The following KLF7 variants were observed in gnomAD, a reference collection of about 807,000 sequenced individuals.
The protein encoded by KLF7 is KLF transcription factor 7, also known as Krueppel-like factor 7.
KLF7 carries 2 observed loss-of-function variants against 27.3 expected under a neutral mutation model. That is an observed-to-expected ratio of 0.07 (90% CI 0.03 to 0.23). KLF7 has a LOEUF of 0.23. KLF7 is among the 10% of genes least tolerant of loss of function. The probability of loss-of-function intolerance (pLI) is 1.00; values close to 1 mark genes in which losing one functional copy is unlikely to be tolerated. For synonymous variants in KLF7, 165 were observed against 162.4 expected (o/e 1.02, Z -0.12); for missense variants, 221 against 394.1 (o/e 0.56, Z 3.72).
At chr2:207,156,621 T>C (rs757626154) in intron 1 of KLF7, among the ~76,000 whole-genome samples, 26 of 152,218 alleles carry the variant, frequency 1.7e-4, no homozygotes, top group Non-Finnish European at 3.5e-4. Context: ...TTTCCAAATA[T>C]GGAATTTGAC....
chr2:207,136,030 G>T (rs563279723), intron 1 of KLF7, among the ~76,000 whole-genome samples: 1 of 152,266 alleles, frequency 6.6e-6, no homozygotes, highest in South Asian at 2.1e-4. Flanking sequence ...CAATTAGGAT[G>T]AGTGAACAAA....
chr2:207,165,876 T>C lies in KLF7; in HGVS notation c.-308A>G. On this transcript the variant is annotated 5_prime_UTR_variant, in exon 1 of 4. Transcript: ENST00000309446. The stretch of plus-strand genomic sequence containing the variant: ...AATTCCCTTCCAGGGCTCTAATCAC[T>C]CCAGCTCGTGGATCAGGAAGGGGGA... 2 of 1,192,884 alleles carry C rather than the reference T, an allele frequency of 1.7e-6. No individual in the cohort carries two copies. The highest frequency in any genetic ancestry group is 2.1e-6 in the Non-Finnish European group (2 of 956,034). The allele number at this position is 1,192,884 out of a possible 1,614,324, so 73.9% of individuals were successfully genotyped here.
chr2:207,092,207 A>G (rs2076528136), intron 2 of KLF7, among the ~76,000 whole-genome samples: 1 of 152,246 alleles, frequency 6.6e-6, no homozygotes, highest in African/African-American at 2.4e-5. Flanking sequence ...CTGCACCTCT[A>G]GAGTGAACAA....
In KLF7 at chr2:207,075,776, G is replaced by A. The variant is rs1183191820; in HGVS notation, c.*5437C>T. The A allele has an allele frequency of 1.3e-5, 2 of 152,018 alleles. No homozygotes were observed. The highest frequency in any genetic ancestry group is 4.8e-5 in the African/African-American group (2 of 41,382). The allele number at this position is 152,018 out of a possible 1,614,324, so 9.4% of individuals were successfully genotyped here. A position where few individuals can be genotyped will look rare whatever the true frequency, so the allele number is the denominator to read the frequency against. On this transcript the variant is annotated 3_prime_UTR_variant, in exon 4 of 4. Transcript: ENST00000309446. ...AAGGAGATCTTGGCCATTAACAGGT[G>A]TATTTTTCCTCCCTGGAATGAAGCA...
upstream of KLF7, chr2:207,166,291 G>C: frequency 1.9e-6 from 1 of 535,774 alleles, no homozygotes; most frequent in Admixed American, 6.4e-5. Flanking sequence ...GCGCGGATTG[G>C]CACGCTGCGG....
intron 2 of KLF7, among the ~76,000 whole-genome samples, chr2:207,119,376 AG>A (rs748951944): frequency 7.2e-5 from 11 of 152,234 alleles, no homozygotes; most frequent in Non-Finnish European, 1.6e-4. Flanking sequence ...GAAGTAATTA[AG>A]AAGAAATGTA....
At chr2:207,161,730 G>C (rs1322961364) in intron 1 of KLF7, among the ~76,000 whole-genome samples, 1 of 152,178 alleles carries the variant, frequency 6.6e-6, no homozygotes, top group East Asian at 1.9e-4. Context: ...GTTTCAGGGT[G>C]CCTGAAACCA....
rs771095507 is a variant in KLF7 at position 207,088,526 on chromosome 2, G to A, written c.789C>T (p.Ser263=). 3 of 1,614,032 alleles carry A rather than the reference G, an allele frequency of 1.9e-6. No individual in the cohort carries two copies. The highest frequency in any genetic ancestry group is 2.5e-6 in the Non-Finnish European group (3 of 1,179,936). Residue 263 remains serine (S), a synonymous_variant, in exon 3 of 4, where the codon AGC becomes AGT. Transcript: ENST00000309446. The stretch of plus-strand genomic sequence containing the variant: ...TCCTGTAGTGCCTCGTGAGCTCATC[G>A]CTTCGTGCAAAACGCCACTCACATC... ...WEGCEWRFAR[S]DELTRHYRKH...
chr2:207,099,040 A>G (rs1414704030), intron 2 of KLF7, among the ~76,000 whole-genome samples: 1 of 152,192 alleles, frequency 6.6e-6, no homozygotes, highest in Non-Finnish European at 1.5e-5. Flanking sequence ...TCTGAAAGTG[A>G]TACCACTAAA....
intron 1 of KLF7, among the ~76,000 whole-genome samples, chr2:207,156,420 GGTCA>G (rs1301448611): frequency 6.6e-6 from 1 of 152,172 alleles, no homozygotes; most frequent in Non-Finnish European, 1.5e-5. Context: ...CACTGTGGTT[GGTCA>G]GTAAGAAAAT....
Position 207,079,061 on chromosome 2 carries a change from TTTTG to T in KLF7, c.*2148_*2151del, listed in dbSNP as rs1419900312. The T allele has an allele frequency of 1.3e-4, 6 of 44,646 alleles. No homozygotes were observed. The highest frequency in any genetic ancestry group is 7.2e-4 in the African/African-American group (5 of 6,978). The allele number at this position is 44,646 out of a possible 1,614,324, so 2.8% of individuals were successfully genotyped here. The stretch of plus-strand genomic sequence containing the variant: ...TTTCTTTTTTTTTCGTTTTGTATTA[TTTTG>T]TTTTTTTTTTTGTTTTTGTTTTTGT... On this transcript the variant is annotated 3_prime_UTR_variant, in exon 4 of 4. Transcript: ENST00000309446.
intron 1 of KLF7, among the ~76,000 whole-genome samples, chr2:207,153,354 A>G (rs1400426812): frequency 6.6e-6 from 1 of 152,232 alleles, no homozygotes; most frequent in African/African-American, 2.4e-5. Flanking sequence ...GTACTAAAAA[A>G]GAAAAAACAA....
upstream of KLF7, chr2:207,166,882 G>A (rs1034982357): frequency 3.7e-6 from 4 of 1,078,520 alleles, no homozygotes; most frequent in East Asian, 1.5e-4. Context: ...GGAGCGGAGC[G>A]AGACCGCGGC....
At position 207,111,559 on chromosome 2, in the gene KLF7, T is replaced by C. The variant is rs141009259; in HGVS notation, c.733+12215A>G. On this transcript the variant is annotated intron_variant, in intron 2 of 3. Coordinates refer to ENST00000309446, the MANE Select transcript of KLF7 (RefSeq NM_003709.4). Reference sequence around the variant, plus strand: ...CAATTCTGTCAACCGGTTTGCTTGATGTCAAAGCTAGCAGTTTTGTGTGGC... The same window carrying C: ...CAATTCTGTCAACCGGTTTGCTTGACGTCAAAGCTAGCAGTTTTGTGTGGC... Among the ~76,000 whole-genome samples the C allele has an allele frequency of 7.5e-3, 1,142 of 152,308 alleles. 8 individuals are homozygous for C. Among genetic ancestry groups the C allele is most frequent in the Non-Finnish European group, 0.013 (862 of 68,022 alleles).
chr2:207,173,634 A>G, the KLF7 span: 1 of 152,218 alleles, frequency 6.6e-6, no homozygotes, highest in Non-Finnish European at 1.5e-5. Flanking sequence ...ATTTTTAAAT[A>G]AAATGCCAAA....
chr2:207,157,061 T>C (rs1271983855), intron 1 of KLF7, among the ~76,000 whole-genome samples: 4 of 152,046 alleles, frequency 2.6e-5, no homozygotes, highest in Admixed American at 1.3e-4. Flanking sequence ...TCTTAAGTCA[T>C]AGTCATAACA....
At chr2:207,100,936 C>T (rs1324805433) in intron 2 of KLF7, among the ~76,000 whole-genome samples, 3 of 152,156 alleles carry the variant, frequency 2.0e-5, no homozygotes, top group Non-Finnish European at 2.9e-5. Context: ...TTTGTAATCA[C>T]GCACAAAGTC....
intron 1 of KLF7, among the ~76,000 whole-genome samples, chr2:207,157,883 T>G (rs2078434004): frequency 6.6e-6 from 1 of 152,164 alleles, no homozygotes; most frequent in Non-Finnish European, 1.5e-5. Context: ...AATCACATTA[T>G]TAAAAGAAAT....
rs1272767206 is a variant in KLF7 at position 207,103,017 on chromosome 2, T to TC, written c.734-14437dup. Among the ~76,000 whole-genome samples the TC allele has an allele frequency of 2.0e-5, 3 of 152,280 alleles. No individual in the cohort carries two copies. In the East Asian group the frequency reaches 5.8e-4, roughly 29 times the overall value. On this transcript the variant is annotated intron_variant, in intron 2 of 3. Coordinates refer to ENST00000309446, the MANE Select transcript of KLF7 (RefSeq NM_003709.4). ...GATCTTAGCTCACCGCAACCTCCCC[T>TC]CCCTGGTTCAAGTGATTCTCCTGCC...
Sources: gnomAD v4.1 joint callset for allele counts (sites outside exome capture counted in the v4.1 genomes callset) on GRCh38, gnomAD v4.1.1 for gene constraint, MANE v1.5 for transcripts, NCBI Gene and HGNC (gene_info 2026-07-23, HGNC 2026-07-21) for gene names.